PDE4D: variants seen among roughly 807,000 people sequenced by gnomAD.
PDE4D encodes the protein 3',5'-cyclic-AMP phosphodiesterase 4D.
PDE4D carries 24 observed loss-of-function variants against 87.4 expected under a neutral mutation model. The observed-to-expected ratio is 0.27, with a 90% CI of 0.20 to 0.39. The LOEUF (loss-of-function observed/expected upper bound fraction) is 0.39, where lower values mean the gene tolerates loss of function less well. Among genes scored for constraint, PDE4D ranks in the 10% least tolerant of loss-of-function variants. The pLI is 1.00. For synonymous variants in PDE4D, 384 were observed against 383.2 expected (o/e 1.00, Z -0.02); for missense variants, 714 against 1,041.0 (o/e 0.69, Z 4.32).
chr5:60,193,666 T>A (rs1740815379), intron 1 of PDE4D, among the ~76,000 whole-genome samples: 1 of 52,146 alleles, frequency 1.9e-5, no homozygotes. Context: ...CGAGACTCCG[T>A]CTCAAAAAAA....
intron 1 of PDE4D, among the ~76,000 whole-genome samples, chr5:59,315,825 C>A (rs1466902539): frequency 6.6e-6 from 1 of 152,106 alleles, no homozygotes; most frequent in African/African-American, 2.4e-5. Flanking sequence ...CGCATGCAGC[C>A]CCTCCCAGAT....
intron 1 of PDE4D, among the ~76,000 whole-genome samples, chr5:59,581,246 C>T (rs1422458366): frequency 6.6e-6 from 1 of 152,054 alleles, no homozygotes; most frequent in Non-Finnish European, 1.5e-5. Flanking sequence ...AACATTCGAC[C>T]TATGGCAATA....
intron 1 of PDE4D, among the ~76,000 whole-genome samples, chr5:59,839,468 AT>A (rs1742654834): frequency 2.0e-5 from 3 of 150,750 alleles, no homozygotes; most frequent in African/African-American, 7.3e-5. Flanking sequence ...GTTGTACTTC[AT>A]TTTTTTCCTT....
intron 1 of PDE4D, among the ~76,000 whole-genome samples, chr5:59,524,702 G>A (rs750239339): frequency 1.3e-5 from 2 of 152,224 alleles, no homozygotes. Context: ...CAGGCCTGGA[G>A]GCCTAGGAGG....
chr5:59,196,047 A>AGG (rs1745393892), intron 2 of PDE4D, among the ~76,000 whole-genome samples: 2 of 152,102 alleles, frequency 1.3e-5, no homozygotes, highest in South Asian at 4.1e-4. Context: ...AGAGAGAGAG[A>AGG]GGGACGATGA....
chr5:59,310,917 C>G (rs938714390), intron 1 of PDE4D, among the ~76,000 whole-genome samples: 1 of 152,202 alleles, frequency 6.6e-6, no homozygotes, highest in African/African-American at 2.4e-5. Context: ...TCCCTTACAG[C>G]TGCTGGCTAG....
chr5:59,821,617 T>C (rs947071651), intron 1 of PDE4D, among the ~76,000 whole-genome samples: 1 of 152,198 alleles, frequency 6.6e-6, no homozygotes, highest in African/African-American at 2.4e-5. Context: ...TTCTAATAGT[T>C]TTTGTCTTAT....
intron 1 of PDE4D, among the ~76,000 whole-genome samples, chr5:59,218,518 A>G (rs1277086793): frequency 6.6e-6 from 1 of 152,210 alleles, no homozygotes; most frequent in African/African-American, 2.4e-5. Context: ...CACTAAAACC[A>G]AAACATTTAT....
chr5:59,852,537 T>A (rs1160338009), intron 1 of PDE4D, among the ~76,000 whole-genome samples: 1 of 152,036 alleles, frequency 6.6e-6, no homozygotes, highest in Non-Finnish European at 1.5e-5. Flanking sequence ...TGGAAGTGAA[T>A]CTTCCAGCTC....
At chr5:60,144,620 A>G (rs1310221915) in intron 2 of PDE4D, among the ~76,000 whole-genome samples, 5 of 152,158 alleles carry the variant, frequency 3.3e-5, no homozygotes, top group Non-Finnish European at 7.3e-5. Flanking sequence ...CAATGTTCCA[A>G]GTAGAATTCT....
In PDE4D at chr5:58,975,681, G is replaced by T; in HGVS notation, c.1989C>A (p.His663Gln). The change falls in exon 14 of 15, where the codon CAC becomes CAA. Residue 663 changes from histidine to glutamine, a missense_variant. His to Gln is a conservative substitution (Grantham distance 24). This residue lies in a region of PDE4D where 97 missense variants were observed against 176.9 expected (regional missense o/e 0.55). Coordinates refer to ENST00000340635, the MANE Select transcript of PDE4D (RefSeq NM_001104631.2). This position sits in a 1 kb window ranked among gnomAD's most constrained non-coding sequence, Gnocchi z 4.2. ...GMEISPMCDK[H>Q]NASVEKSQVG... ...CCTGTGATTTTTCCACGGAAGCATT[G>T]TGCTTGTCACACATGGGGCTTATCT... 6.2e-7 allele frequency: 1 copy of T among 1,609,550 alleles called. No individual in the cohort carries two copies. The highest frequency in any genetic ancestry group is 8.5e-7 in the Non-Finnish European group (1 of 1,177,856).
intron 1 of PDE4D, among the ~76,000 whole-genome samples, chr5:60,189,579 A>G (rs1451131384): frequency 6.6e-6 from 1 of 152,226 alleles, no homozygotes; most frequent in African/African-American, 2.4e-5. Flanking sequence ...CCCCATACAT[A>G]ATGACATCCT....
At position 59,494,673 on chromosome 5, in the gene PDE4D, T is replaced by C. The variant is rs185818842; in HGVS notation, c.456-278705A>G. On this transcript the variant is annotated intron_variant, in intron 1 of 14. Coordinates refer to ENST00000340635, the MANE Select transcript of PDE4D (RefSeq NM_001104631.2). ...AAGGTTGCACAGTCTTTTAAACTACTATTAACTATCCCTAATCTTTCTCTT... is the reference window on the plus strand; with the variant it reads ...AAGGTTGCACAGTCTTTTAAACTACCATTAACTATCCCTAATCTTTCTCTT... Among the ~76,000 whole-genome samples the C allele has an allele frequency of 1.8e-3, 268 of 152,332 alleles. 3 individuals are homozygous for C. The highest frequency in any genetic ancestry group is 0.017 in the Admixed American group (257 of 15,302).
At chr5:60,489,078 G>A (rs1749372001), upstream of PDE4D, among the ~76,000 whole-genome samples, 1 of 152,164 alleles carries the variant, frequency 6.6e-6, no homozygotes, top group South Asian at 2.1e-4. Context: ...AAGTCAAAAT[G>A]ATTATAGAGG....
intron 3 of PDE4D, among the ~76,000 whole-genome samples, chr5:59,907,873 G>C (rs1294137905): frequency 6.6e-6 from 1 of 151,864 alleles, no homozygotes; most frequent in Non-Finnish European, 1.5e-5. Flanking sequence ...ACCACAAATT[G>C]CTGTTTGTTC....
At chr5:59,539,757 A>G (rs1046552462) in intron 1 of PDE4D, among the ~76,000 whole-genome samples, 15 of 152,192 alleles carry the variant, frequency 9.9e-5, no homozygotes, top group African/African-American at 3.4e-4. Flanking sequence ...AACAAAAATA[A>G]CAAAACTAAA....
chr5:60,091,682 C>T (rs1424316965), intron 2 of PDE4D, among the ~76,000 whole-genome samples: 2 of 152,158 alleles, frequency 1.3e-5, no homozygotes, highest in East Asian at 1.9e-4. Context: ...TATCTGCACT[C>T]CCATGTTTAT....
rs568519808 is a variant in PDE4D at position 60,426,418 on chromosome 5, A to T, written c.-90+61524T>A. Among the ~76,000 whole-genome samples the T allele has an allele frequency of 3.9e-5, 6 of 152,270 alleles. 1 individual carries two copies. The highest frequency in any genetic ancestry group is 1.4e-4 in the African/African-American group (6 of 41,544). ...AGCTGGAAACCATCATTCTCAGCAA[A>T]CTATCACAATGACAGAAAACCAAAT... On this transcript the variant is annotated intron_variant, in intron 1 of 16. Transcript: ENST00000502484.
At chr5:59,934,463 T>A (rs1169391828) in intron 3 of PDE4D, among the ~76,000 whole-genome samples, 1 of 152,208 alleles carries the variant, frequency 6.6e-6, no homozygotes, top group Non-Finnish European at 1.5e-5. Context: ...CTGCTTCTGC[T>A]ATAATTGCCC....
Sources: gnomAD v4.1 joint callset for allele counts (sites outside exome capture counted in the v4.1 genomes callset) on GRCh38, gnomAD v4.1.1 for gene constraint, gnomAD v4.1.1 regional missense constraint, Gnocchi (gnomAD v3.1) non-coding constraint, MANE v1.5 for transcripts, NCBI Gene and HGNC (gene_info 2026-07-23, HGNC 2026-07-21) for gene names.